PCDHGB4: variants seen among roughly 807,000 people sequenced by gnomAD.
The protein encoded by PCDHGB4 is protocadherin gamma-B4.
In PCDHGB4, 38 loss-of-function variants were observed where a neutral mutation model predicts 60.5. The observed-to-expected ratio is 0.63, with a 90% CI of 0.48 to 0.82. The LOEUF is 0.82. Among genes scored for constraint, PCDHGB4 ranks in the 40% least tolerant of loss-of-function variants. PCDHGB4 has a pLI of 0.00. For missense variants in PCDHGB4, 1,109 were observed against 1,209.6 expected (o/e 0.92, Z 1.23); for synonymous variants, 456 against 509.7 (o/e 0.89, Z 1.42).
At position 141,431,192 on chromosome 5, in the gene PCDHGB4, A is replaced by T. The variant is rs769745353; in HGVS notation, c.2397+40911A>T. 8.7e-6 allele frequency: 14 copies of T among 1,614,042 alleles called. No homozygotes were observed. Among genetic ancestry groups the T allele is most frequent in the African/African-American group, 2.7e-5 (2 of 74,912 alleles). On this transcript the variant is annotated intron_variant, in intron 1 of 3. Coordinates refer to ENST00000519479, the MANE Select transcript of PCDHGB4 (RefSeq NM_003736.4). This position sits in a 1 kb window ranked among gnomAD's most constrained non-coding sequence, Gnocchi z 4.8. ...TGAATTAGAAATAAAAATTAGTGAA[A>T]ATGCAGCCACTGAGATGCGGTTCCC...
At position 141,389,190 on chromosome 5, in the gene PCDHGB4, A is replaced by G; in HGVS notation, c.1306A>G (p.Ile436Val). The G allele has an allele frequency of 6.2e-7, 1 of 1,614,034 alleles. No individual in the cohort carries two copies. The highest frequency in any genetic ancestry group is 8.5e-7 in the Non-Finnish European group (1 of 1,179,896). ...GCCTCCCCTCTCCTCCAGTTCCAGC[A>G]TCACCCTGCACATTGGTGATGTAAA... The part of the protein sequence containing the change: ...GKPPLSSSSS[I>V]TLHIGDVNDN... Residue 436 changes from isoleucine to valine, a missense_variant, in exon 1 of 4, where the codon ATC becomes GTC. Coordinates refer to ENST00000519479, the MANE Select transcript of PCDHGB4 (RefSeq NM_003736.4).
intron 1 of PCDHGB4, among the ~76,000 whole-genome samples, chr5:141,447,233 G>A (rs565398752): frequency 2.6e-5 from 4 of 152,028 alleles, no homozygotes; most frequent in Non-Finnish European, 4.4e-5. Flanking sequence ...TCCGCCTCCC[G>A]GGTTCAAGTG....
In PCDHGB4 at chr5:141,474,831, G is replaced by A. The variant is rs188288898; in HGVS notation, c.2398-19976G>A. On this transcript the variant is annotated intron_variant, in intron 1 of 3. Coordinates refer to ENST00000519479, the MANE Select transcript of PCDHGB4 (RefSeq NM_003736.4). ...CATCATTAATTGAGGCTTACTCTGTGCCAGGCACTTTACCTGCCTTCTTCA... is the reference window on the plus strand; with the variant it reads ...CATCATTAATTGAGGCTTACTCTGTACCAGGCACTTTACCTGCCTTCTTCA... 5.3e-5 allele frequency among the ~76,000 whole-genome samples: 8 copies of A among 152,350 alleles called. No individual in the cohort carries two copies. The East Asian group carries it at 1.5e-3, about 29-fold the overall frequency.
In PCDHGB4 at chr5:141,432,782, C is replaced by A. The variant is rs547164205; in HGVS notation, c.2397+42501C>A. 6.2e-7 allele frequency: 1 copy of A among 1,614,164 alleles called. No homozygotes were observed. Among genetic ancestry groups the A allele is most frequent in the African/African-American group, 1.3e-5 (1 of 75,052 alleles). ...CAGCATCCCCCAAGTCCTGGCGGAC[C>A]TCGGCAGCCTCGAGTCTCCAGCTAA... On this transcript the variant is annotated intron_variant, in intron 1 of 3. Coordinates refer to ENST00000519479, the MANE Select transcript of PCDHGB4 (RefSeq NM_003736.4). This position sits in a 1 kb window ranked among gnomAD's most constrained non-coding sequence, Gnocchi z 6.0.
intron 1 of PCDHGB4, among the ~76,000 whole-genome samples, chr5:141,468,759 G>A (rs1202810666): frequency 3.9e-5 from 6 of 151,990 alleles, no homozygotes; most frequent in Admixed American, 2.0e-4. Context: ...CCAGCTACTC[G>A]GGAGGCTGAG....
At chr5:141,450,046 G>A (rs1390669307) in intron 1 of PCDHGB4, among the ~76,000 whole-genome samples, 4 of 121,108 alleles carry the variant, frequency 3.3e-5, no homozygotes, top group Admixed American at 1.1e-4. Context: ...TCACTCTTTC[G>A]CCCAGGCTGG....
intron 2 of PCDHGB4, among the ~76,000 whole-genome samples, chr5:141,505,172 A>C (rs1336105711): frequency 6.6e-6 from 1 of 152,178 alleles, no homozygotes; most frequent in Non-Finnish European, 1.5e-5. Context: ...AAACAAAAAG[A>C]AAAAAGCATC....
Position 141,389,424 on chromosome 5 carries a change from G to C in PCDHGB4, c.1540G>C (p.Ala514Pro), listed in dbSNP as rs746873845. The C allele has an allele frequency of 6.2e-7, 1 of 1,613,390 alleles. No homozygotes were observed. The highest frequency in any genetic ancestry group is 1.3e-5 in the African/African-American group (1 of 74,952). Residue 514 changes from alanine to proline, a missense_variant, in exon 1 of 4, where the codon GCG becomes CCG. Ala to Pro is a conservative substitution (Grantham distance 27, BLOSUM62 -1). Around this residue, in one of 2 missense-constraint regions of PCDHGB4, gnomAD observed 1,068 missense variants for 1,089.9 expected, o/e 0.98. Transcript: ENST00000519479. ...SISAESGVVFAQRAFDHEQLR... is the reference protein window; with the variant it reads ...SISAESGVVFPQRAFDHEQLR... Reference sequence around the variant, plus strand: ...AAGCGCGGAGAGCGGGGTGGTGTTCGCGCAGCGCGCCTTCGACCACGAGCA... The same window carrying C: ...AAGCGCGGAGAGCGGGGTGGTGTTCCCGCAGCGCGCCTTCGACCACGAGCA...
rs371319055 is a variant in PCDHGB4 at position 141,399,494 on chromosome 5, G to C, written c.2397+9213G>C. 328 of 1,614,032 alleles carry C rather than the reference G, an allele frequency of 2.0e-4. 1 individual carries two copies. The highest frequency in any genetic ancestry group is 1.7e-3 in the South Asian group (152 of 91,086). ...TTCCACCAGGCGTCCTACTTAGTCA[G>C]TGTACCCGAAAACAACCCTCCTGGG... is the stretch of plus-strand genomic sequence containing the variant. On this transcript the variant is annotated intron_variant, in intron 1 of 3. Coordinates refer to ENST00000519479, the MANE Select transcript of PCDHGB4 (RefSeq NM_003736.4).
At chr5:141,416,124 AT>A (rs1297389183) in intron 1 of PCDHGB4, 1 of 154,644 alleles carries the variant, frequency 6.5e-6, no homozygotes, top group Non-Finnish European at 1.4e-5. Flanking sequence ...CATTTTATAT[AT>A]TTTTCAATCT....
Position 141,511,643 on chromosome 5 carries a change from C to T in PCDHGB4, c.*470C>T, listed in dbSNP as rs937995879. ...TGAAAAGTTGGAAGGGCATCATGACCTCTTGGCCTCTCCTTTGATTCTCAA... is the reference window on the plus strand; with the variant it reads ...TGAAAAGTTGGAAGGGCATCATGACTTCTTGGCCTCTCCTTTGATTCTCAA... On this transcript the variant is annotated 3_prime_UTR_variant, in exon 4 of 4. Coordinates refer to ENST00000519479, the MANE Select transcript of PCDHGB4 (RefSeq NM_003736.4). 4 of 218,904 alleles carry T rather than the reference C, an allele frequency of 1.8e-5. No homozygotes were observed. The highest frequency in any genetic ancestry group is 5.2e-5 in the Admixed American group (1 of 19,306). 13.6% of individuals were successfully genotyped at this position (218,904 alleles called of 1,614,324 possible). A position where few individuals can be genotyped will look rare whatever the true frequency, so the allele number is the denominator to read the frequency against.
intron 1 of PCDHGB4, chr5:141,478,776 A>T: frequency 1.3e-6 from 2 of 1,488,808 alleles, no homozygotes; most frequent in Non-Finnish European, 1.8e-6. Context: ...TCATCTGTGG[A>T]CCTAATTCAC....
At chr5:141,466,450 G>T (rs139024933) in intron 1 of PCDHGB4, among the ~76,000 whole-genome samples, 1 of 152,172 alleles carries the variant, frequency 6.6e-6, no homozygotes, top group Non-Finnish European at 1.5e-5. Context: ...TGTCTATGGT[G>T]TTGGCTATTG....
In PCDHGB4 at chr5:141,428,010, G is replaced by C. The variant is rs544491298; in HGVS notation, c.2397+37729G>C. The C allele has an allele frequency of 1.2e-4, 192 of 1,603,004 alleles. 6 individuals are homozygous for C. In the South Asian group the frequency reaches 2.0e-3, roughly 17 times the overall value. ...CGATGGCTCCGCACTCTTCGATATA[G>C]TGCCACGCGCCGCAGAGTCCGGCTA... On this transcript the variant is annotated intron_variant, in intron 1 of 3. Transcript: ENST00000519479.
At position 141,405,389 on chromosome 5, in the gene PCDHGB4, T is replaced by C. The variant is rs577174600; in HGVS notation, c.2397+15108T>C. ...CCCTTTGGTTCCGGTGAGTTCATTT[T>C]TTTTCTTTCTTTCTTTTCTTTTTTT... On this transcript the variant is annotated intron_variant, in intron 1 of 3. Transcript: ENST00000519479. The C allele has an allele frequency of 2.5e-6, 4 of 1,600,534 alleles. No individual in the cohort carries two copies. The East Asian group carries it at 6.7e-5, about 27-fold the overall frequency.
intron 1 of PCDHGB4, chr5:141,400,391 C>T (rs1468153713): frequency 1.2e-6 from 2 of 1,614,076 alleles, no homozygotes; most frequent in Non-Finnish European, 1.7e-6. Flanking sequence ...GTTGCACATA[C>T]AGGAAAGACG....
intron 1 of PCDHGB4, chr5:141,393,237 A>C (rs1561641299): frequency 6.2e-7 from 1 of 1,613,684 alleles, no homozygotes; most frequent in Non-Finnish European, 8.5e-7. Context: ...AGAAGTAAAA[A>C]TTAACGAAAT....
chr5:141,449,930 A>G (rs1353778264), intron 1 of PCDHGB4, among the ~76,000 whole-genome samples: 1 of 151,614 alleles, frequency 6.6e-6, no homozygotes, highest in East Asian at 1.9e-4. Context: ...ACCATACCTT[A>G]TAGTATATTT....
chr5:141,431,770 T>A lies in PCDHGB4; in HGVS notation c.2397+41489T>A, dbSNP rs748816389. 7 of 1,614,086 alleles carry A rather than the reference T, an allele frequency of 4.3e-6. No homozygotes were observed. The highest frequency in any genetic ancestry group is 1.3e-5 in the African/African-American group (1 of 74,938). ...CGCGAGCCAAAGTCCTGATCACTGT[T>A]CTGGACGTGAACGACAATGCCCCAG... On this transcript the variant is annotated intron_variant, in intron 1 of 3. Coordinates refer to ENST00000519479, the MANE Select transcript of PCDHGB4 (RefSeq NM_003736.4). This position sits in a 1 kb window ranked among gnomAD's most constrained non-coding sequence, Gnocchi z 4.8.
Sources: allele counts gnomAD v4.1 joint callset (sites outside exome capture counted in the v4.1 genomes callset), GRCh38; gene constraint gnomAD v4.1.1; regional missense constraint gnomAD v4.1.1; non-coding constraint Gnocchi (gnomAD v3.1); transcripts MANE v1.5; gene names NCBI Gene and HGNC (gene_info 2026-07-23, HGNC 2026-07-21).